Variants in TP53I13 observed in about 807,000 individuals in gnomAD.
TP53I13 encodes the protein tumor protein p53-inducible protein 13.
Under a neutral mutation model 39.1 loss-of-function variants are expected in TP53I13, and 27 were observed. The ratio of observed to expected loss-of-function variants is 0.69; its 90% CI spans 0.51 to 0.95. TP53I13 has a LOEUF of 0.95. Among genes scored for constraint, TP53I13 ranks in the 40% least tolerant of loss-of-function variants. The pLI is 0.00. For missense variants in TP53I13, 544 were observed against 520.4 expected (o/e 1.05, Z -0.44); for synonymous variants, 230 against 224.6 (o/e 1.02, Z -0.22).
Position 29,572,029 on chromosome 17 carries a change from G to C in TP53I13, c.485G>C (p.Gly162Ala). The C allele has an allele frequency of 1.2e-6, 2 of 1,613,182 alleles. No homozygotes were observed. Among genetic ancestry groups the C allele is most frequent in the South Asian group, 1.1e-5 (1 of 91,076 alleles). Residue 162 changes from glycine (G) to alanine (A), a missense_variant, in exon 5 of 7, where the codon GGG becomes GCG. Gly to Ala is a moderately conservative substitution (Grantham distance 60, BLOSUM62 0). Coordinates refer to ENST00000301057, the MANE Select transcript of TP53I13 (RefSeq NM_138349.4). ...PAPSEPTPGR[G>A]RLCRRGCVQA... ...CCCTCCGAGCCAACTCCCGGTAGAG[G>C]GAGGCTGTGCCGAAGAGGGTGTGTG...
upstream of TP53I13, chr17:29,566,970 G>T (rs1419144013): frequency 3.0e-6 from 4 of 1,352,680 alleles, no homozygotes; most frequent in African/African-American, 4.6e-5. Context: ...GCGGCATGGC[G>T]AAGCTGGAGA....
intron 3 of TP53I13, chr17:29,571,278 G>A (rs2032910937): frequency 2.9e-6 from 1 of 345,920 alleles, no homozygotes; most frequent in Non-Finnish European, 5.4e-6. Context: ...TTGGATTGTG[G>A]ACCTGTAGAG....
At chr17:29,578,486 G>T in the TP53I13 span, 1 of 970,784 alleles carries the variant, frequency 1.0e-6, no homozygotes, top group Non-Finnish European at 1.7e-6. Context: ...GTGCTGCCCA[G>T]CCCCTACAGT....
chr17:29,570,825 C>G (rs2032894603), intron 3 of TP53I13: 2 of 152,354 alleles, frequency 1.3e-5, no homozygotes, highest in Admixed American at 1.3e-4. Flanking sequence ...CACACCTGGC[C>G]TATCCTGACT....
rs1242961263 is a variant in TP53I13 at position 29,572,942 on chromosome 17, CTG to C, written c.*21_*22del. On this transcript the variant is annotated 3_prime_UTR_variant, in exon 7 of 7. Transcript: ENST00000301057. ...CGGAGTGACGGCCTGGGACCTGCCACTGTGGCGTGCGGCTCCTCCCCGCGCCG... is the reference window on the plus strand; with the variant it reads ...CGGAGTGACGGCCTGGGACCTGCCACTGGCGTGCGGCTCCTCCCCGCGCCG... The C allele has an allele frequency of 2.8e-6, 4 of 1,424,706 alleles. No homozygotes were observed. In the African/African-American group the frequency reaches 4.5e-5, roughly 16 times the overall value. 88.3% of individuals were successfully genotyped at this position (1,424,706 alleles called of 1,614,324 possible).
At chr17:29,571,531 A>G (rs2032920232) in intron 3 of TP53I13, 60 bp from the exon 4 acceptor site, 1 of 1,602,082 alleles carries the variant, frequency 6.2e-7, no homozygotes. Flanking sequence ...GGATGGGAGA[A>G]CTTGAGATTC....
At chr17:29,571,811 T>G in intron 4 of TP53I13, 46 bp from the exon 5 acceptor site, 1 of 1,612,720 alleles carries the variant, frequency 6.2e-7, no homozygotes, top group Non-Finnish European at 8.5e-7. Flanking sequence ...TTCCTCTTGT[T>G]TGTCCCCACC....
chr17:29,573,063 T>G lies in TP53I13; in HGVS notation c.*139T>G, dbSNP rs1489136238. 1.5e-6 allele frequency: 1 copy of G among 653,252 alleles called. No homozygotes were observed. The highest frequency in any genetic ancestry group is 1.9e-5 in the African/African-American group (1 of 52,046). 40.5% of individuals were successfully genotyped at this position (653,252 alleles called of 1,614,324 possible). A position where few individuals can be genotyped will look rare whatever the true frequency, so the allele number is the denominator to read the frequency against. On this transcript the variant is annotated 3_prime_UTR_variant, in exon 7 of 7. Transcript: ENST00000301057. ...CCGAGCACTGCGGGGGCTTTCCTCC[T>G]TGTTGGTTGCTGAGTGGGCGGCCAA...
rs774043608 is a variant in TP53I13 at position 29,572,262 on chromosome 17, G to C, written c.634G>C (p.Gly212Arg). ...GAGGCGGAGGCTGCGGGCTGCCCTT[G>C]GTCCCCAGCCCACTCGCTCAGCCCT... is the stretch of plus-strand genomic sequence containing the variant. ...AKRRRLRAAL[G>R]PQPTRSALRF... The change falls in exon 6 of 7, where the codon GGT becomes CGT. Residue 212 changes from glycine (G) to arginine (R), a missense_variant. Gly to Arg is a moderately radical substitution (Grantham distance 125). Coordinates refer to ENST00000301057, the MANE Select transcript of TP53I13 (RefSeq NM_138349.4). The C allele has an allele frequency of 5.0e-6, 8 of 1,612,778 alleles. No homozygotes were observed. The Admixed American group carries it at 1.3e-4, about 27-fold the overall frequency.
chr17:29,577,287 CT>C, downstream of TP53I13: 1 of 1,529,236 alleles, frequency 6.5e-7, no homozygotes, highest in Non-Finnish European at 9.1e-7. Flanking sequence ...CAGGGGACCC[CT>C]TATGACTGAC....
At chr17:29,566,849 C>T, upstream of TP53I13, 1 of 1,512,526 alleles carries the variant, frequency 6.6e-7, no homozygotes, top group Non-Finnish European at 8.8e-7. Flanking sequence ...TCTTGGGCCC[C>T]CGGCAGGGTC....
At chr17:29,571,322 G>T (rs752667373) in intron 3 of TP53I13, 219 of 476,470 alleles carry the variant, frequency 4.6e-4, no homozygotes, top group Non-Finnish European at 7.4e-4. Flanking sequence ...TATGGCTAGA[G>T]TGTGGTCTGA....
At chr17:29,574,651 T>A, downstream of TP53I13, 2 of 1,397,934 alleles carry the variant, frequency 1.4e-6, no homozygotes, top group African/African-American at 2.8e-5. Context: ...GTGGCCCAGC[T>A]CCTATGGCCA....
chr17:29,572,939 C>T lies in TP53I13; in HGVS notation c.*15C>T. 1 of 1,434,186 alleles carries T rather than the reference C, an allele frequency of 7.0e-7. No individual in the cohort carries two copies. The highest frequency in any genetic ancestry group is 9.1e-7 in the Non-Finnish European group (1 of 1,098,456). The allele number at this position is 1,434,186 out of a possible 1,614,324, so 88.8% of individuals were successfully genotyped here. A position where few individuals can be genotyped will look rare whatever the true frequency, so the allele number is the denominator to read the frequency against. On this transcript the variant is annotated 3_prime_UTR_variant, in exon 7 of 7. Transcript: ENST00000301057. The stretch of plus-strand genomic sequence containing the variant: ...GCTCGGAGTGACGGCCTGGGACCTG[C>T]CACTGTGGCGTGCGGCTCCTCCCCG...
rs1407868179 is a variant in TP53I13 at position 29,572,796 on chromosome 17, G to A, written c.1070-16G>A. 3.3e-6 allele frequency: 5 copies of A among 1,521,142 alleles called. No individual in the cohort carries two copies. The East Asian group carries it at 1.2e-4, about 38-fold the overall frequency. The allele number at this position is 1,521,142 out of a possible 1,614,324, so 94.2% of individuals were successfully genotyped here. A position where few individuals can be genotyped will look rare whatever the true frequency, so the allele number is the denominator to read the frequency against. On this transcript the variant is annotated splice_polypyrimidine_tract_variant and intron_variant, in intron 6 of 6. Transcript: ENST00000301057. ...CCTGCCCTCCCGCCCTTGACTGCTC[G>A]GCGCCCGGCCCACAGCTGTGCTGAA...
In TP53I13 at chr17:29,571,972, G is replaced by A; in HGVS notation, c.428G>A (p.Trp143Ter). Reference protein sequence around the residue: ...RRRKQRKKKAWIYCESLSGPA... With the variant: ...RRRKQRKKKA ...AGGAAGCAGAGGAAGAAGAAGGCAT[G>A]GATCTACTGTGAAAGCCTTTCAGGG... The change falls in exon 5 of 7, where the codon TGG becomes TAG. Residue 143 changes from tryptophan (W) to a stop codon, truncating the protein, a stop_gained. Coordinates refer to ENST00000301057, the MANE Select transcript of TP53I13 (RefSeq NM_138349.4). LOFTEE classifies it high-confidence loss of function. The A allele has an allele frequency of 1.9e-6, 3 of 1,613,174 alleles. No individual in the cohort carries two copies. Among genetic ancestry groups the A allele is most frequent in the Non-Finnish European group, 2.5e-6 (3 of 1,180,010 alleles).
At chr17:29,568,140 C>G (rs929067036), upstream of TP53I13, 4 of 152,212 alleles carry the variant, frequency 2.6e-5, no homozygotes, top group African/African-American at 7.2e-5. This position sits in a 1 kb window ranked among gnomAD's most constrained non-coding sequence, Gnocchi z 4.5. Flanking sequence ...GCGGAGACAC[C>G]TCCCGAGGCT....
downstream of TP53I13, chr17:29,576,764 C>G (rs1029316385): frequency 6.3e-7 from 1 of 1,583,608 alleles, no homozygotes; most frequent in Non-Finnish European, 8.6e-7. Flanking sequence ...AGCAGCCCAC[C>G]TGTCCCTCAG....
intron 3 of TP53I13, 147 bp from the exon 4 acceptor site, chr17:29,571,444 G>A (rs1389226621): frequency 6.6e-6 from 7 of 1,064,814 alleles, no homozygotes; most frequent in African/African-American, 1.6e-5. Flanking sequence ...AATACCCAGG[G>A]CCCTTTGTCC....
Sources: allele counts gnomAD v4.1 joint callset, GRCh38; gene constraint gnomAD v4.1.1; non-coding constraint Gnocchi (gnomAD v3.1); transcripts MANE v1.5; gene names NCBI Gene and HGNC (gene_info 2026-07-23, HGNC 2026-07-21).